The following TTC27 variants were observed in gnomAD, a reference collection of about 807,000 sequenced individuals.
The protein encoded by TTC27 is tetratricopeptide repeat domain 27.
In TTC27, 79 loss-of-function variants were observed where a neutral mutation model predicts 115.9. That is an observed-to-expected ratio of 0.68 (90% CI 0.57 to 0.82). The LOEUF (loss-of-function observed/expected upper bound fraction) is 0.82. TTC27 is among the 40% of genes least tolerant of loss of function. The probability of loss-of-function intolerance (pLI) is 0.00; values close to 1 mark genes in which losing one functional copy is unlikely to be tolerated. For synonymous variants in TTC27, 401 were observed against 356.0 expected, an observed-to-expected ratio of 1.13 and a Z score of -1.42; for missense variants, 1,054 against 993.1, an observed-to-expected ratio of 1.06 and a Z score of -0.82.
At chr2:32,648,894 C>A (rs534560560) in intron 4 of TTC27, among the ~76,000 whole-genome samples, 5 of 152,192 alleles carry the variant, frequency 3.3e-5, no homozygotes, top group South Asian at 2.1e-4. Flanking sequence ...GCCAGTAGTC[C>A]TAGCAACTCA....
intron 6 of TTC27, among the ~76,000 whole-genome samples, chr2:32,666,305 A>G (rs1665773022): frequency 1.3e-5 from 2 of 151,858 alleles, no homozygotes; most frequent in Admixed American, 1.3e-4. Flanking sequence ...TGTTTCTGTC[A>G]TCTGTGAAAA....
At chr2:32,807,552 C>G (rs906594197) in intron 16 of TTC27, among the ~76,000 whole-genome samples, 2 of 152,176 alleles carry the variant, frequency 1.3e-5, no homozygotes, top group Non-Finnish European at 2.9e-5. Context: ...TCTATTTTAA[C>G]AATTTTGGTT....
At chr2:32,783,513 A>G (rs1389959556) in intron 15 of TTC27, among the ~76,000 whole-genome samples, 1 of 152,258 alleles carries the variant, frequency 6.6e-6, no homozygotes, top group Non-Finnish European at 1.5e-5. Flanking sequence ...TCTTCTGATT[A>G]TTTGACCAAT....
chr2:32,640,270 G>A lies in TTC27; in HGVS notation c.397G>A (p.Val133Ile), dbSNP rs746712313. Residue 133 changes from valine to isoleucine, a missense_variant and splice_region_variant, in exon 4 of 20, where the codon GTT (valine) becomes ATT (isoleucine). Coordinates refer to ENST00000317907, the MANE Select transcript of TTC27 (RefSeq NM_017735.5). ...SSVLFQQFSE[V>I]KGLDAFVLSL... is the part of the protein sequence containing the mutation. ...TCTTAGTTTATAATCCTTTTTTCAG[G>A]TTAAAGGACTGGATGCATTTGTTCT... The A allele has an allele frequency of 4.3e-6, 7 of 1,610,342 alleles. No individual in the cohort carries two copies. The highest frequency in any genetic ancestry group is 1.7e-4 in the Middle Eastern group (1 of 6,040).
chr2:32,721,747 C>T (rs1667938895), intron 10 of TTC27, among the ~76,000 whole-genome samples: 1 of 151,352 alleles, frequency 6.6e-6, no homozygotes. Context: ...AGCCATCCTC[C>T]TGCCTTTGCC....
At chr2:32,664,527 G>T in intron 6 of TTC27, 60 bp downstream of exon 6, 1 of 1,452,040 alleles carries the variant, frequency 6.9e-7, no homozygotes, top group South Asian at 1.3e-5. Flanking sequence ...ATATACATTG[G>T]CAGTTTGTAT....
intron 9 of TTC27, among the ~76,000 whole-genome samples, chr2:32,692,930 C>A (rs973536417): frequency 6.0e-5 from 9 of 150,892 alleles, no homozygotes; most frequent in African/African-American, 2.0e-4. Flanking sequence ...GGGCTGAGAT[C>A]GCACTACTGT....
At chr2:32,800,460 C>T (rs987657226) in intron 16 of TTC27, among the ~76,000 whole-genome samples, 11 of 151,944 alleles carry the variant, frequency 7.2e-5, no homozygotes, top group East Asian at 1.9e-4. Flanking sequence ...GGATTACAGG[C>T]GTGAGCCACT....
intron 4 of TTC27, among the ~76,000 whole-genome samples, chr2:32,647,703 T>C (rs1432071023): frequency 1.3e-5 from 2 of 152,140 alleles, no homozygotes; most frequent in African/African-American, 2.4e-5. Flanking sequence ...CCAGGTGCTG[T>C]GGCATATACC....
At chr2:32,818,970 T>C (rs771648003) in intron 19 of TTC27, among the ~76,000 whole-genome samples, 8 of 152,182 alleles carry the variant, frequency 5.3e-5, no homozygotes, top group Non-Finnish European at 7.4e-5. Context: ...TTCAAAATTG[T>C]GTCTCTCGGA....
At chr2:32,657,504 C>T (rs1665374007) in intron 5 of TTC27, among the ~76,000 whole-genome samples, 1 of 152,008 alleles carries the variant, frequency 6.6e-6, no homozygotes, top group African/African-American at 2.4e-5. Context: ...CAGGCGCCTG[C>T]CACCATGCCT....
At chr2:32,723,728 C>CTCCGTCCGTCCTTCCTTCCTTCCTTCCT (rs1454826952) in intron 10 of TTC27, among the ~76,000 whole-genome samples, 2 of 29,514 alleles carry the variant, frequency 6.8e-5, no homozygotes, top group Non-Finnish European at 1.2e-4. Context: ...CCCTCCCTCC[C>CTCCGTCCGTCCTTCCTTCCTTCCTTCCT]TCCTTCCTTC....
chr2:32,700,085 C>G (rs1391017694), intron 9 of TTC27, among the ~76,000 whole-genome samples: 2 of 152,176 alleles, frequency 1.3e-5, no homozygotes, highest in Non-Finnish European at 2.9e-5. Flanking sequence ...CACCGTTGCC[C>G]ATGCCCACTC....
At chr2:32,803,897 C>T (rs915764288) in intron 16 of TTC27, among the ~76,000 whole-genome samples, 3 of 151,772 alleles carry the variant, frequency 2.0e-5, no homozygotes, top group African/African-American at 4.8e-5. Flanking sequence ...GTCCCAGCTA[C>T]TCGGGAGGCT....
Position 32,777,888 on chromosome 2 carries a change from G to C in TTC27, c.1687G>C (p.Val563Leu). 6.2e-7 allele frequency: 1 copy of C among 1,614,072 alleles called. No homozygotes were observed. The highest frequency in any genetic ancestry group is 8.5e-7 in the Non-Finnish European group (1 of 1,179,982). Residue 563 changes from valine to leucine, a missense_variant, in exon 14 of 20, where the codon GTG (valine) becomes CTG (leucine). Transcript: ENST00000317907. ...SVKINPMQLG[V>L]WFSLGCAYLA... ...TGACTTTTGGTCTTTGCAGCTCGGG[G>C]TGTGGTTTTCTCTCGGTTGTGCCTA...
chr2:32,773,817 C>A (rs1285317695), intron 13 of TTC27, among the ~76,000 whole-genome samples: 1 of 152,182 alleles, frequency 6.6e-6, no homozygotes. Context: ...AAGGGAGGAT[C>A]TCAGCCAAAG....
At chr2:32,804,023 AAG>A (rs1671049648) in intron 16 of TTC27, among the ~76,000 whole-genome samples, 1 of 151,822 alleles carries the variant, frequency 6.6e-6, no homozygotes, top group African/African-American at 2.4e-5. Flanking sequence ...AAAAAAAAAA[AAG>A]AAAAAAATGC....
At chr2:32,651,126 G>A (rs1262363380) in intron 5 of TTC27, among the ~76,000 whole-genome samples, 1 of 152,174 alleles carries the variant, frequency 6.6e-6, no homozygotes, top group Non-Finnish European at 1.5e-5. Flanking sequence ...GATTTTAGCT[G>A]TGTCTGGTTC....
chr2:32,647,974 C>T (rs1664928849), intron 4 of TTC27, among the ~76,000 whole-genome samples: 1 of 152,140 alleles, frequency 6.6e-6, no homozygotes, highest in Non-Finnish European at 1.5e-5. Context: ...ATGAGCTTAT[C>T]AAAATTACTT....
Sources: gnomAD v4.1 joint callset for allele counts (sites outside exome capture counted in the v4.1 genomes callset) on GRCh38, gnomAD v4.1.1 for gene constraint, MANE v1.5 for transcripts, NCBI Gene and HGNC (gene_info 2026-07-23, HGNC 2026-07-21) for gene names.